Variants in FAM83F observed in about 807,000 individuals in gnomAD.
FAM83F encodes the protein scaffolding CK1 anchoring protein F.
A neutral mutation model predicts 42.9 loss-of-function variants in FAM83F; 45 were observed. The observed-to-expected ratio is 1.05, with a 90% CI of 0.83 to 1.35. FAM83F has a LOEUF of 1.35. FAM83F is among the 40% of genes most tolerant of loss of function. FAM83F has a pLI of 0.00. For synonymous variants in FAM83F, 306 were observed against 298.3 expected, an observed-to-expected ratio of 1.03 and a Z score of -0.27; for missense variants, 617 against 695.9, an observed-to-expected ratio of 0.89 and a Z score of 1.28.
rs2146249876 is a variant in FAM83F, at chr22:40,033,932, T to C, written c.*4367T>C. ...TGACAGGTGTGTTTATGTACACACATCTGCCTCACTCCACTCAGCTCCCTG... is the reference window on the plus strand; with the variant it reads ...TGACAGGTGTGTTTATGTACACACACCTGCCTCACTCCACTCAGCTCCCTG... On this transcript the variant is annotated 3_prime_UTR_variant, in exon 5 of 5. Coordinates refer to ENST00000333407, the MANE Select transcript of FAM83F (RefSeq NM_138435.4). 6.6e-6 allele frequency: 1 copy of C among 152,466 alleles called. No individual in the cohort carries two copies. The highest frequency in any genetic ancestry group is 3.4e-3 in the Middle Eastern group (1 of 298). The allele number at this position is 152,466 out of a possible 1,614,324, so 9.4% of individuals were successfully genotyped here.
At chr22:40,026,413 G>A (rs550957347) in intron 4 of FAM83F, among the ~76,000 whole-genome samples, 2 of 152,278 alleles carry the variant, frequency 1.3e-5, no homozygotes, top group East Asian at 1.9e-4. Flanking sequence ...CCAGCTACTC[G>A]GGAGGCTGAA....
At chr22:40,001,035 A>T (rs2145707404) in intron 1 of FAM83F, among the ~76,000 whole-genome samples, 1 of 152,294 alleles carries the variant, frequency 6.6e-6, no homozygotes, top group South Asian at 2.1e-4. Context: ...GCAGCTCCAG[A>T]GAATAAGCAC....
At chr22:40,025,264 A>T (rs1469036147) in intron 4 of FAM83F, among the ~76,000 whole-genome samples, 2 of 152,012 alleles carry the variant, frequency 1.3e-5, no homozygotes, top group Non-Finnish European at 2.9e-5. Context: ...TTAAAAAAAA[A>T]TTTAATTAGC....
Position 40,019,231 on chromosome 22 carries a change from G to T in FAM83F, c.553G>T (p.Ala185Ser). ...GDIFQDIVDA[A>S]CKRRVPVYII... ...TATCTTTCAAGACATTGTGGATGCT[G>T]CCTGTAAGCGCCGGGTCCCAGTGTA... Residue 185 changes from alanine (A) to serine (S), a missense_variant, in exon 2 of 5, where the codon GCC (alanine) becomes TCC (serine). By Grantham distance (99) the Ala-to-Ser change is moderately conservative. Transcript: ENST00000333407. 2.5e-6 allele frequency: 4 copies of T among 1,614,190 alleles called. No homozygotes were observed. Among genetic ancestry groups the T allele is most frequent in the Non-Finnish European group, 3.4e-6 (4 of 1,180,030 alleles).
Position 40,042,022 on chromosome 22 carries a change from CTATT to C in FAM83F, c.*12463_*12466del, listed in dbSNP as rs1336572576. 2.6e-5 allele frequency: 4 copies of C among 152,032 alleles called. No homozygotes were observed. Among genetic ancestry groups the C allele is most frequent in the Non-Finnish European group, 5.9e-5 (4 of 68,018 alleles). 9.4% of individuals were successfully genotyped at this position (152,032 alleles called of 1,614,324 possible). A position where few individuals can be genotyped will look rare whatever the true frequency, so the allele number is the denominator to read the frequency against. ...TGTAGGCGCAGGCCACCATGCGCAA[CTATT>C]TATTTTCTTTCTTTTTGTAGAAATG... On this transcript the variant is annotated 3_prime_UTR_variant, in exon 5 of 5. Transcript: ENST00000333407.
Position 40,032,549 on chromosome 22 carries a change from G to A in FAM83F, c.*2984G>A, listed in dbSNP as rs1213717772. 1.3e-5 allele frequency: 2 copies of A among 151,952 alleles called. No homozygotes were observed. The highest frequency in any genetic ancestry group is 1.9e-4 in the East Asian group (1 of 5,192). 9.4% of individuals were successfully genotyped at this position (151,952 alleles called of 1,614,324 possible). ...GAAGAAACTGGCCAAAGAGGGGAAA[G>A]TGGGCTATTTCTTTTTTTTTTTTCT... On this transcript the variant is annotated 3_prime_UTR_variant, in exon 5 of 5. Coordinates refer to ENST00000333407, the MANE Select transcript of FAM83F (RefSeq NM_138435.4).
At chr22:40,002,039 C>T (rs981624856) in intron 1 of FAM83F, among the ~76,000 whole-genome samples, 8 of 149,006 alleles carry the variant, frequency 5.4e-5, no homozygotes, top group Non-Finnish European at 7.4e-5. Context: ...TGCCGGCCTC[C>T]GAGCTGCCTT....
chr22:40,004,123 A>G (rs1320182533), intron 1 of FAM83F, among the ~76,000 whole-genome samples: 1 of 152,050 alleles, frequency 6.6e-6, no homozygotes, highest in Non-Finnish European at 1.5e-5. Context: ...AGAAATTTAC[A>G]GAGGAGTACG....
chr22:40,027,288 C>T (rs2067559048), intron 4 of FAM83F, among the ~76,000 whole-genome samples: 1 of 152,190 alleles, frequency 6.6e-6, no homozygotes, highest in Non-Finnish European at 1.5e-5. Flanking sequence ...GCGGTTTGCA[C>T]ATCATTGTCC....
rs778728277 is a variant in FAM83F, at chr22:40,021,879, G to A, written c.1369G>A (p.Ala457Thr). The stretch of plus-strand genomic sequence containing the variant: ...GAGGCCTGCGGCGCCCAATGGCATG[G>A]CCAGCTCTGTCTCCACCGAGACCTC... ...AKRPAAPNGM[A>T]SSVSTETSEV... is the part of the protein sequence containing the mutation. The change falls in exon 4 of 5, where the codon GCC becomes ACC. Residue 457 changes from alanine to threonine, a missense_variant. By Grantham distance (58) the Ala-to-Thr change is moderately conservative (BLOSUM62 0). Coordinates refer to ENST00000333407, the MANE Select transcript of FAM83F (RefSeq NM_138435.4). This position sits in a 1 kb window ranked among gnomAD's most constrained non-coding sequence, Gnocchi z 8.7. 1.9e-6 allele frequency: 3 copies of A among 1,609,586 alleles called. No homozygotes were observed. The East Asian group carries it at 6.7e-5, about 36-fold the overall frequency.
At chr22:40,022,470 C>T (rs745778958) in intron 4 of FAM83F, among the ~76,000 whole-genome samples, 1 of 152,176 alleles carries the variant, frequency 6.6e-6, no homozygotes, top group Non-Finnish European at 1.5e-5. Context: ...TAGACACACC[C>T]CACCCTCCCC....
At chr22:40,011,435 G>A (rs933174105) in intron 1 of FAM83F, among the ~76,000 whole-genome samples, 31 of 152,120 alleles carry the variant, frequency 2.0e-4, no homozygotes, top group Admixed American at 1.4e-3. Context: ...CGCCCGCCTC[G>A]GCCTCCCAAA....
intron 1 of FAM83F, among the ~76,000 whole-genome samples, chr22:40,004,904 C>A (rs1030583551): frequency 3.3e-5 from 5 of 152,220 alleles, no homozygotes; most frequent in Non-Finnish European, 7.3e-5. Flanking sequence ...TCCAGGTGAA[C>A]AGCAGCTTCC....
intron 1 of FAM83F, among the ~76,000 whole-genome samples, chr22:40,008,003 T>G (rs2067444970): frequency 6.6e-6 from 1 of 152,240 alleles, no homozygotes; most frequent in Non-Finnish European, 1.5e-5. Context: ...TACTTTACTC[T>G]GGCAGCGGTT....
At chr22:40,017,416 A>G (rs1054033376) in intron 1 of FAM83F, among the ~76,000 whole-genome samples, 1 of 151,796 alleles carries the variant, frequency 6.6e-6, no homozygotes, top group Non-Finnish European at 1.5e-5. Context: ...TATTTTTAGT[A>G]GAGACAGGGT....
Position 39,995,028 on chromosome 22 carries a change from C to T in FAM83F, c.-15C>T. ...GCGGGGCCGGGGCCAGGGCCGGGGC[C>T]GGGGCCGGGGCGCCATGGCCGAGTC... On this transcript the variant is annotated 5_prime_UTR_variant, in exon 1 of 5. Coordinates refer to ENST00000333407, the MANE Select transcript of FAM83F (RefSeq NM_138435.4). The surrounding 1 kb of genome is among the most constrained non-coding windows in gnomAD (Gnocchi z 4.6). The T allele has an allele frequency of 1.6e-6, 2 of 1,265,968 alleles. No individual in the cohort carries two copies. Among genetic ancestry groups the T allele is most frequent in the Non-Finnish European group, 2.0e-6 (2 of 1,008,400 alleles). 78.4% of individuals were successfully genotyped at this position (1,265,968 alleles called of 1,614,324 possible). A position where few individuals can be genotyped will look rare whatever the true frequency, so the allele number is the denominator to read the frequency against.
chr22:40,041,311 A>G lies in FAM83F; in HGVS notation c.*11746A>G, dbSNP rs2067649378. ...TGGGTTGGAACAAACAAACAGAAAA[A>G]TATTTTCCCCAAGTAGCATGCAGAG... On this transcript the variant is annotated 3_prime_UTR_variant, in exon 5 of 5. Transcript: ENST00000333407. The G allele has an allele frequency of 6.6e-6, 1 of 152,202 alleles. No individual in the cohort carries two copies. The highest frequency in any genetic ancestry group is 1.5e-5 in the Non-Finnish European group (1 of 68,044). The allele number at this position is 152,202 out of a possible 1,614,324, so 9.4% of individuals were successfully genotyped here. A position where few individuals can be genotyped will look rare whatever the true frequency, so the allele number is the denominator to read the frequency against.
rs2067371568 is a variant in FAM83F at position 39,995,804 on chromosome 22, C to A, written c.489+273C>A. 6.6e-6 allele frequency among the ~76,000 whole-genome samples: 1 copy of A among 152,204 alleles called. No individual in the cohort carries two copies. Among genetic ancestry groups the A allele is most frequent in the African/African-American group, 2.4e-5 (1 of 41,454 alleles). On this transcript the variant is annotated intron_variant, in intron 1 of 4. Coordinates refer to ENST00000333407, the MANE Select transcript of FAM83F (RefSeq NM_138435.4). The surrounding 1 kb of genome is among the most constrained non-coding windows in gnomAD (Gnocchi z 4.6). The stretch of plus-strand genomic sequence containing the variant: ...CTCTGCTCTGTACTTCTGAAACTTC[C>A]CTGTCCAGCCTTCCTCCCCAGGGAA...
At chr22:40,000,407 G>A (rs1484246656) in intron 1 of FAM83F, among the ~76,000 whole-genome samples, 3 of 152,166 alleles carry the variant, frequency 2.0e-5, no homozygotes, top group Non-Finnish European at 4.4e-5. Flanking sequence ...GCATGGCAAA[G>A]TCTTGGAGTC....
Sources: allele counts gnomAD v4.1 joint callset (sites outside exome capture counted in the v4.1 genomes callset), GRCh38; gene constraint gnomAD v4.1.1; non-coding constraint Gnocchi (gnomAD v3.1); transcripts MANE v1.5; gene names NCBI Gene and HGNC (gene_info 2026-07-23, HGNC 2026-07-21).